Variants in UNC5C observed in about 807,000 individuals in gnomAD.
UNC5C encodes unc-5 netrin receptor C, also known as netrin receptor UNC5C.
UNC5C carries 47 observed loss-of-function variants against 99.8 expected under a neutral mutation model. The ratio of observed to expected loss-of-function variants is 0.47; its 90% CI spans 0.37 to 0.60. UNC5C has a LOEUF of 0.60. Among genes scored for constraint, UNC5C ranks in the 20% least tolerant of loss-of-function variants. The pLI, the probability that UNC5C is intolerant of heterozygous loss-of-function variation, is 0.00. For synonymous variants in UNC5C, 487 were observed against 452.2 expected (o/e 1.08, Z -0.98); for missense variants, 1,062 against 1,165.9 (o/e 0.91, Z 1.30).
At chr4:95,531,882 T>A (rs1249140837) in intron 1 of UNC5C, among the ~76,000 whole-genome samples, 1 of 152,202 alleles carries the variant, frequency 6.6e-6, no homozygotes, top group African/African-American at 2.4e-5. Flanking sequence ...ATAACCCCAA[T>A]ATAGAACAAA....
At chr4:95,460,775 A>G (rs1747577518) in intron 1 of UNC5C, among the ~76,000 whole-genome samples, 1 of 152,196 alleles carries the variant, frequency 6.6e-6, no homozygotes, top group African/African-American at 2.4e-5. Context: ...AATTATGTCT[A>G]CAAAATCCCT....
At chr4:95,300,482 T>C (rs972519826) in intron 3 of UNC5C, among the ~76,000 whole-genome samples, 5 of 152,200 alleles carry the variant, frequency 3.3e-5, no homozygotes, top group Admixed American at 1.3e-4. Context: ...TGTGGTCCAA[T>C]GTACTAGAAT....
intron 1 of UNC5C, among the ~76,000 whole-genome samples, chr4:95,416,342 GT>G (rs1172979535): frequency 6.6e-6 from 1 of 152,062 alleles, no homozygotes; most frequent in East Asian, 1.9e-4. Flanking sequence ...AGAAAGTTTA[GT>G]TTAAGACAGG....
intron 1 of UNC5C, among the ~76,000 whole-genome samples, chr4:95,460,532 T>C (rs1201347807): frequency 1.3e-5 from 2 of 152,160 alleles, no homozygotes; most frequent in African/African-American, 2.4e-5. Flanking sequence ...TCCCACGAGA[T>C]CTGACGGTTT....
chr4:95,301,882 C>G, intron 2 of UNC5C, 133 bp from the exon 3 acceptor site: 1 of 1,155,256 alleles, frequency 8.7e-7, no homozygotes, highest in Non-Finnish European at 1.2e-6. Flanking sequence ...TGTCTCTCAT[C>G]TCTTTTGACT....
In UNC5C at chr4:95,349,219, C is replaced by T. The variant is rs574195222; in HGVS notation, c.125-13588G>A. 3.3e-5 allele frequency among the ~76,000 whole-genome samples: 5 copies of T among 150,556 alleles called. No homozygotes were observed. The East Asian group carries it at 1.0e-3, about 31-fold the overall frequency. On this transcript the variant is annotated intron_variant, in intron 1 of 15. Coordinates refer to ENST00000453304, the MANE Select transcript of UNC5C (RefSeq NM_003728.4). ...ATTATTTTGCATTGTTTTCCTGAAT[C>T]AATACATCTCACGTACCCCATAACT...
chr4:95,247,167 A>C lies in UNC5C; in HGVS notation c.776-2023T>G, dbSNP rs548325647. Among the ~76,000 whole-genome samples the C allele has an allele frequency of 2.6e-5, 4 of 152,218 alleles. No individual in the cohort carries two copies. In the East Asian group the frequency reaches 7.7e-4, roughly 29 times the overall value. On this transcript the variant is annotated intron_variant, in intron 5 of 15. Coordinates refer to ENST00000453304, the MANE Select transcript of UNC5C (RefSeq NM_003728.4). The stretch of plus-strand genomic sequence containing the variant: ...CTTCTTTGACCTTTTCTGTATTCCA[A>C]ATTTTCTTTAATGGATGTATATTTG...
chr4:95,506,117 T>C (rs988150899), intron 1 of UNC5C, among the ~76,000 whole-genome samples: 1 of 152,078 alleles, frequency 6.6e-6, no homozygotes, highest in East Asian at 1.9e-4. Flanking sequence ...AATTTTCATC[T>C]TAATCTTAAC....
At chr4:95,384,413 C>T (rs768457919) in intron 1 of UNC5C, among the ~76,000 whole-genome samples, 4 of 152,066 alleles carry the variant, frequency 2.6e-5, no homozygotes, top group Non-Finnish European at 4.4e-5. Flanking sequence ...TCATGTTTTG[C>T]GGAACCTTGA....
In UNC5C at chr4:95,505,114, C is replaced by T. The variant is rs149514008; in HGVS notation, c.124+43620G>A. 5.5e-3 allele frequency among the ~76,000 whole-genome samples: 844 copies of T among 152,192 alleles called. 8 individuals carry two copies. The highest frequency in any genetic ancestry group is 0.019 in the African/African-American group (803 of 41,556). The stretch of plus-strand genomic sequence containing the variant: ...CTTCTTAATTTCAGAATTTTGCTCC[C>T]TGCTTTAACTGGTCCGTTATCAGAA... On this transcript the variant is annotated intron_variant, in intron 1 of 15. Coordinates refer to ENST00000453304, the MANE Select transcript of UNC5C (RefSeq NM_003728.4).
intron 1 of UNC5C, among the ~76,000 whole-genome samples, chr4:95,350,571 T>A (rs1404742647): frequency 6.6e-6 from 1 of 152,054 alleles, no homozygotes; most frequent in Non-Finnish European, 1.5e-5. Flanking sequence ...ACCTCAGGAA[T>A]TTGAAGAACA....
intron 1 of UNC5C, among the ~76,000 whole-genome samples, chr4:95,510,130 C>T (rs990174710): frequency 7.9e-5 from 12 of 151,846 alleles, no homozygotes; most frequent in Non-Finnish European, 1.5e-4. Flanking sequence ...AGGTAAAGTC[C>T]TTTTATTTCT....
At chr4:95,243,991 G>A (rs12642020) in intron 6 of UNC5C, among the ~76,000 whole-genome samples, 46,304 of 152,076 alleles carry the variant, frequency 0.3, 7,470 homozygotes, top group East Asian at 0.59. Flanking sequence ...CACTGTGGGA[G>A]ACTGCTCTGA....
chr4:95,454,296 C>T (rs184237150), intron 1 of UNC5C, among the ~76,000 whole-genome samples: 2 of 152,044 alleles, frequency 1.3e-5, no homozygotes, highest in East Asian at 3.9e-4. Flanking sequence ...TTCTTATTCT[C>T]CATATGCAGA....
chr4:95,364,740 G>A (rs1355422476), intron 1 of UNC5C, among the ~76,000 whole-genome samples: 2 of 152,106 alleles, frequency 1.3e-5, no homozygotes, highest in African/African-American at 4.8e-5. Context: ...ACATGAGTAA[G>A]TACATCAAAA....
Position 95,202,977 on chromosome 4 carries a change from A to T in UNC5C, c.1903-13T>A. ...CCACCACCACATCCTGGGGGACAAG[A>T]GGGAAGGGCCATGGCTAAGTCACCC... On this transcript the variant is annotated splice_polypyrimidine_tract_variant and intron_variant, in intron 11 of 15. Coordinates refer to ENST00000453304, the MANE Select transcript of UNC5C (RefSeq NM_003728.4). 1 of 1,613,742 alleles carries T rather than the reference A, an allele frequency of 6.2e-7. No individual in the cohort carries two copies. Among genetic ancestry groups the T allele is most frequent in the Non-Finnish European group, 8.5e-7 (1 of 1,179,856 alleles).
intron 1 of UNC5C, among the ~76,000 whole-genome samples, chr4:95,397,627 C>G (rs1378793651): frequency 6.6e-6 from 1 of 152,142 alleles, no homozygotes; most frequent in Non-Finnish European, 1.5e-5. Context: ...TTACATAACT[C>G]TTTTTATATG....
At chr4:95,268,573 C>T (rs546859465) in intron 4 of UNC5C, among the ~76,000 whole-genome samples, 1 of 152,156 alleles carries the variant, frequency 6.6e-6, no homozygotes, top group Non-Finnish European at 1.5e-5. Context: ...TCATATATGT[C>T]AATAATAGAG....
At chr4:95,514,356 T>C (rs962337860) in intron 1 of UNC5C, among the ~76,000 whole-genome samples, 2 of 152,114 alleles carry the variant, frequency 1.3e-5, no homozygotes, top group African/African-American at 4.8e-5. Flanking sequence ...AGTTCAGATA[T>C]TTCAGAGATG....
Sources: gnomAD v4.1 joint callset for allele counts (sites outside exome capture counted in the v4.1 genomes callset) on GRCh38, gnomAD v4.1.1 for gene constraint, MANE v1.5 for transcripts, NCBI Gene and HGNC (gene_info 2026-07-23, HGNC 2026-07-21) for gene names.